The following MUSK variants were observed in gnomAD, a reference collection of about 807,000 sequenced individuals.
MUSK encodes muscle associated receptor tyrosine kinase, also known as muscle, skeletal receptor tyrosine-protein kinase.
In MUSK, 55 loss-of-function variants were observed where a neutral mutation model predicts 88.7. The ratio of observed to expected loss-of-function variants is 0.62; its 90% CI spans 0.50 to 0.78. The LOEUF (loss-of-function observed/expected upper bound fraction) is 0.78, where lower values mean the gene tolerates loss of function less well. Among genes scored for constraint, MUSK ranks in the 30% least tolerant of loss-of-function variants. The pLI is 0.00. For missense variants in MUSK, 1,015 were observed against 1,074.3 expected (o/e 0.94, Z 0.77); for synonymous variants, 387 against 391.9 (o/e 0.99, Z 0.15).
chr9:110,690,266 T>G (rs186277602), intron 3 of MUSK, among the ~76,000 whole-genome samples: 24,272 of 99,188 alleles, frequency 0.24, 4,111 homozygotes, highest in African/African-American at 0.47. Context: ...AAATATATAT[T>G]TAAGTACAAA....
chr9:110,682,362 A>G (rs2076145075), intron 1 of MUSK, among the ~76,000 whole-genome samples: 1 of 139,578 alleles, frequency 7.2e-6, no homozygotes, highest in Non-Finnish European at 1.5e-5. Flanking sequence ...TTTTGTATTC[A>G]TAATTTTATA....
Position 110,689,741 on chromosome 9 carries a change from T to C in MUSK, c.358+2473T>C, listed in dbSNP as rs1246828416. Among the ~76,000 whole-genome samples the C allele has an allele frequency of 1.5e-4, 9 of 60,184 alleles. 1 individual carries two copies. Among genetic ancestry groups the C allele is most frequent in the African/African-American group, 1.0e-3 (8 of 7,648 alleles). The allele number at this position is 60,184 out of a possible 152,430, so 39.5% of individuals were successfully genotyped here. A position where few individuals can be genotyped will look rare whatever the true frequency, so the allele number is the denominator to read the frequency against. On this transcript the variant is annotated intron_variant, in intron 3 of 14. Transcript: ENST00000374448. ...TATGTTATATATAGTTTATATATAA[T>C]ATTATATATTATATATAAACTATAT...
intron 5 of MUSK, among the ~76,000 whole-genome samples, chr9:110,705,202 T>G (rs2076581887): frequency 6.6e-6 from 1 of 152,220 alleles, no homozygotes; most frequent in Non-Finnish European, 1.5e-5. Flanking sequence ...TTGATATTTT[T>G]GCAGTTCTGT....
chr9:110,728,432 A>G (rs2076917479), intron 5 of MUSK: 2 of 465,898 alleles, frequency 4.3e-6, no homozygotes, highest in African/African-American at 2.0e-5. Context: ...GGTATGCTGT[A>G]GTTTATTTTC....
At chr9:110,740,516 T>C (rs1332718032) in intron 6 of MUSK, among the ~76,000 whole-genome samples, 1 of 152,184 alleles carries the variant, frequency 6.6e-6, no homozygotes, top group East Asian at 1.9e-4. Flanking sequence ...CTCTCTTTTA[T>C]AGACCATTAT....
At chr9:110,700,928 TAGAC>T (rs1319852678) in intron 5 of MUSK, among the ~76,000 whole-genome samples, 1 of 152,170 alleles carries the variant, frequency 6.6e-6, no homozygotes, top group Non-Finnish European at 1.5e-5. Context: ...TTACTCTCCT[TAGAC>T]AGGAAGACAG....
chr9:110,768,965 G>GA (rs561678718), intron 9 of MUSK, among the ~76,000 whole-genome samples: 4 of 151,646 alleles, frequency 2.6e-5, no homozygotes, highest in Admixed American at 6.6e-5. Flanking sequence ...TTCTTATGTA[G>GA]AAAAAAAAGA....
intron 2 of MUSK, among the ~76,000 whole-genome samples, 193 bp downstream of exon 2, chr9:110,682,993 TTTAAG>T (rs541865441): frequency 3.5e-4 from 54 of 152,172 alleles, no homozygotes; most frequent in Non-Finnish European, 5.0e-4. Flanking sequence ...AATTACACAC[TTTAAG>T]TTATTTTAAA....
chr9:110,723,594 ATTGT>A (rs1564246063), intron 5 of MUSK, among the ~76,000 whole-genome samples: 2 of 152,002 alleles, frequency 1.3e-5, no homozygotes, highest in African/African-American at 2.4e-5. Flanking sequence ...ACAATGTCAA[ATTGT>A]TTGTATTAAT....
intron 3 of MUSK, among the ~76,000 whole-genome samples, chr9:110,690,293 AAT>A (rs1247056414): frequency 9.5e-6 from 1 of 104,992 alleles, no homozygotes; most frequent in African/African-American, 3.9e-5. Context: ...AATATATATA[AAT>A]ATATATTTAA....
chr9:110,768,558 C>G (rs2077521505), intron 9 of MUSK, among the ~76,000 whole-genome samples: 1 of 152,034 alleles, frequency 6.6e-6, no homozygotes, highest in Admixed American at 6.6e-5. Context: ...CTAAAGATAA[C>G]CTAAAATACA....
intron 3 of MUSK, among the ~76,000 whole-genome samples, chr9:110,689,711 C>CATATA (rs2076273240): frequency 3.1e-5 from 1 of 32,704 alleles, no homozygotes; most frequent in African/African-American, 2.8e-4. Flanking sequence ...AAATATATAA[C>CATATA]TATATATGTT....
chr9:110,743,063 T>C (rs1284930868), intron 6 of MUSK, among the ~76,000 whole-genome samples: 1 of 152,184 alleles, frequency 6.6e-6, no homozygotes, highest in East Asian at 1.9e-4. Context: ...CTGGGAGATA[T>C]TTGGCACAGA....
intron 3 of MUSK, among the ~76,000 whole-genome samples, chr9:110,692,920 T>A (rs1405343203): frequency 1.3e-5 from 2 of 151,294 alleles, no homozygotes; most frequent in East Asian, 4.4e-4. Context: ...AAATTGATCT[T>A]TTATTTTTTG....
chr9:110,690,290 A>C (rs1307257705), intron 3 of MUSK, among the ~76,000 whole-genome samples: 1 of 106,048 alleles, frequency 9.4e-6, no homozygotes, highest in African/African-American at 3.8e-5. Flanking sequence ...ATAAATATAT[A>C]TAAATATATA....
chr9:110,785,694 C>T lies in MUSK; in HGVS notation c.1754C>T (p.Ala585Val), dbSNP rs953823198. 3.1e-6 allele frequency: 5 copies of T among 1,601,360 alleles called. No individual in the cohort carries two copies. Among genetic ancestry groups the T allele is most frequent in the East Asian group, 2.2e-5 (1 of 44,526 alleles). Reference protein sequence around the residue: ...IEYVRDIGEGAFGRVFQARAP... With the variant: ...IEYVRDIGEGVFGRVFQARAP... ...TATGTGAGAGACATCGGAGAGGGAG[C>T]GTTTGGAAGGGTGTTTCAAGCAAGG... Residue 585 changes from alanine (A) to valine (V), a missense_variant, in exon 13 of 15, where the codon GCG becomes GTG. Coordinates refer to ENST00000374448, the MANE Select transcript of MUSK (RefSeq NM_005592.4).
rs747085603 is a variant in MUSK at position 110,747,709 on chromosome 9, C to T, written c.822C>T (p.Ile274=). The change falls in exon 7 of 15, where the codon ATC becomes ATT. Residue 274 remains isoleucine (I), a synonymous_variant. Coordinates refer to ENST00000374448, the MANE Select transcript of MUSK (RefSeq NM_005592.4). The part of the protein sequence containing the change: ...RVIDSRLQLF[I]TKPGLYTCIA... ...TTGACTCAAGACTGCAGCTGTTTATCACCAAGCCAGGACTCTACACATGCA... is the reference window on the plus strand; with the variant it reads ...TTGACTCAAGACTGCAGCTGTTTATTACCAAGCCAGGACTCTACACATGCA... The T allele has an allele frequency of 6.2e-7, 1 of 1,613,806 alleles. No individual in the cohort carries two copies. The highest frequency in any genetic ancestry group is 8.5e-7 in the Non-Finnish European group (1 of 1,179,776).
At chr9:110,754,985 A>G (rs1050953581) in intron 7 of MUSK, among the ~76,000 whole-genome samples, 1 of 152,236 alleles carries the variant, frequency 6.6e-6, no homozygotes, top group Non-Finnish European at 1.5e-5. Context: ...TAGATGATCA[A>G]AATGACAATC....
chr9:110,670,996 A>G (rs1009885134), intron 1 of MUSK, among the ~76,000 whole-genome samples: 13 of 152,152 alleles, frequency 8.5e-5, no homozygotes, highest in Non-Finnish European at 1.9e-4. Flanking sequence ...TATTTGAGAC[A>G]GAGTCTCGTT....
Sources: gnomAD v4.1 joint callset for allele counts (sites outside exome capture counted in the v4.1 genomes callset) on GRCh38, gnomAD v4.1.1 for gene constraint, MANE v1.5 for transcripts, NCBI Gene and HGNC (gene_info 2026-07-23, HGNC 2026-07-21) for gene names.